The following KAZN variants were observed in gnomAD, a reference collection of about 807,000 sequenced individuals.
KAZN encodes kazrin, periplakin interacting protein.
Under a neutral mutation model 87.4 loss-of-function variants are expected in KAZN, and 40 were observed. The observed-to-expected ratio is 0.46, with a 90% CI of 0.36 to 0.60. KAZN has a LOEUF of 0.60. Ranked by LOEUF, KAZN falls within the 20% of genes least tolerant of loss-of-function variation. KAZN has a pLI of 0.00. For synonymous variants in KAZN, 466 were observed against 458.3 expected, an observed-to-expected ratio of 1.02 and a Z score of -0.22; for missense variants, 898 against 1,073.9, an observed-to-expected ratio of 0.84 and a Z score of 2.29.
intron 1 of KAZN, among the ~76,000 whole-genome samples, chr1:14,890,653 G>C (rs1035724973): frequency 1.3e-5 from 2 of 152,122 alleles, no homozygotes; most frequent in African/African-American, 4.8e-5. Flanking sequence ...CGGGCCCCAC[G>C]GCGGATCCAC....
chr1:14,857,303 T>A (rs1453325668), intron 1 of KAZN, among the ~76,000 whole-genome samples: 1 of 152,086 alleles, frequency 6.6e-6, no homozygotes, highest in African/African-American at 2.4e-5. Context: ...GGTGGGAGGA[T>A]CACTTGAGCT....
intron 1 of KAZN, among the ~76,000 whole-genome samples, chr1:14,690,405 T>C (rs894760335): frequency 6.6e-5 from 10 of 152,198 alleles, no homozygotes; most frequent in Middle Eastern, 3.2e-3. Flanking sequence ...ACCACATTTA[T>C]GTATTCACGC....
chr1:14,012,259 G>A (rs1640348444), intron 1 of KAZN, among the ~76,000 whole-genome samples: 1 of 152,200 alleles, frequency 6.6e-6, no homozygotes, highest in African/African-American at 2.4e-5. Flanking sequence ...AGTTACATAT[G>A]CCTCATGGTA....
At chr1:14,962,574 G>A (rs148485770) in intron 2 of KAZN, among the ~76,000 whole-genome samples, 27 of 152,264 alleles carry the variant, frequency 1.8e-4, no homozygotes, top group African/African-American at 5.5e-4. Flanking sequence ...CCCAAGTCTC[G>A]GGAATCTCCC....
chr1:14,031,647 T>C (rs1469773083), intron 1 of KAZN, among the ~76,000 whole-genome samples: 1 of 152,240 alleles, frequency 6.6e-6, no homozygotes, highest in African/African-American at 2.4e-5. Context: ...TTGAAAATAA[T>C]GGAGTTGGGT....
intron 1 of KAZN, among the ~76,000 whole-genome samples, chr1:14,026,517 A>C (rs1338905739): frequency 6.6e-6 from 1 of 152,172 alleles, no homozygotes; most frequent in African/African-American, 2.4e-5. Context: ...CATCTATGCT[A>C]CCTGAGGCAG....
At chr1:14,102,193 G>A (rs112905710) in intron 1 of KAZN, among the ~76,000 whole-genome samples, 221 of 152,216 alleles carry the variant, frequency 1.5e-3, no homozygotes, top group African/African-American at 5.1e-3. Flanking sequence ...CGGGGAAGAC[G>A]CCCTCAGCAC....
At chr1:14,203,761 A>G (rs1014733154) in intron 2 of KAZN, among the ~76,000 whole-genome samples, 1 of 152,220 alleles carries the variant, frequency 6.6e-6, no homozygotes, top group Non-Finnish European at 1.5e-5. Flanking sequence ...ATGCAGCTCA[A>G]AGTGGTATGA....
intron 1 of KAZN, among the ~76,000 whole-genome samples, chr1:14,744,413 T>C (rs1288262002): frequency 6.6e-6 from 1 of 152,156 alleles, no homozygotes. Flanking sequence ...GTTTTGTTTT[T>C]GTTTTTTTGT....
At chr1:14,945,601 C>T (rs1245949349) in intron 1 of KAZN, among the ~76,000 whole-genome samples, 2 of 152,234 alleles carry the variant, frequency 1.3e-5, no homozygotes, top group Non-Finnish European at 2.9e-5. Flanking sequence ...GGGAGAGCCT[C>T]AAACACTGCT....
At chr1:14,355,085 C>G (rs935513134) in intron 2 of KAZN, among the ~76,000 whole-genome samples, 4 of 152,034 alleles carry the variant, frequency 2.6e-5, no homozygotes, top group Admixed American at 6.6e-5. Context: ...TGAAAAAGCC[C>G]GACACCAAAG....
Position 14,578,252 on chromosome 1 carries a change from T to C in KAZN, c.250-20731T>C, listed in dbSNP as rs911647762. Among the ~76,000 whole-genome samples the C allele has an allele frequency of 3.9e-5, 6 of 152,178 alleles. No homozygotes were observed. In the East Asian group the frequency reaches 9.7e-4, roughly 25 times the overall value. On this transcript the variant is annotated intron_variant, in intron 2 of 16. Coordinates refer to the KAZN transcript ENST00000636203. The stretch of plus-strand genomic sequence containing the variant: ...GAAAGTAATTAATGGAAGTTTTAAG[T>C]TCCATTTCATACGGTAGAGGAAAAT...
chr1:13,941,592 G>A (rs1640929727), intron 1 of KAZN, among the ~76,000 whole-genome samples: 1 of 152,156 alleles, frequency 6.6e-6, no homozygotes, highest in Non-Finnish European at 1.5e-5. Context: ...CCTCTCCTGG[G>A]GGTTCTTTAT....
intron 2 of KAZN, among the ~76,000 whole-genome samples, chr1:14,211,765 T>C (rs1646857643): frequency 6.6e-6 from 1 of 152,150 alleles, no homozygotes; most frequent in Non-Finnish European, 1.5e-5. Context: ...GGGGCTTCTC[T>C]CCTACAAAAT....
intron 2 of KAZN, among the ~76,000 whole-genome samples, chr1:14,500,988 T>C (rs1670208361): frequency 6.6e-6 from 1 of 151,820 alleles, no homozygotes; most frequent in African/African-American, 2.4e-5. Flanking sequence ...CAGGCCCAAA[T>C]GGATTCACTG....
intron 2 of KAZN, among the ~76,000 whole-genome samples, chr1:14,296,623 G>C (rs11581550): frequency 0.19 from 20,566 of 109,718 alleles, 1,974 homozygotes; most frequent in Middle Eastern, 0.36. Flanking sequence ...CTGAGTTTTT[G>C]TATTTCTTTT....
At chr1:14,591,407 G>T (rs12116479) in intron 2 of KAZN, among the ~76,000 whole-genome samples, 7 of 144,804 alleles carry the variant, frequency 4.8e-5, no homozygotes, top group Admixed American at 2.1e-4. Context: ...GCCCCGAACA[G>T]GGAAAGAAGA....
At chr1:14,211,132 A>G (rs1174357278) in intron 2 of KAZN, among the ~76,000 whole-genome samples, 1 of 152,222 alleles carries the variant, frequency 6.6e-6, no homozygotes, top group African/African-American at 2.4e-5. Flanking sequence ...GAAGGCACTC[A>G]TACACCCAAA....
intron 2 of KAZN, among the ~76,000 whole-genome samples, chr1:14,404,868 T>A (rs1451382916): frequency 1.3e-5 from 2 of 152,198 alleles, no homozygotes; most frequent in Admixed American, 6.5e-5. Context: ...ATAAATTCCT[T>A]AAGAAGGAAT....
Sources: gnomAD v4.1 joint callset for allele counts (sites outside exome capture counted in the v4.1 genomes callset) on GRCh38, gnomAD v4.1.1 for gene constraint, MANE v1.5 for transcripts, NCBI Gene and HGNC (gene_info 2026-07-23, HGNC 2026-07-21) for gene names.